Variants in SLC36A1 observed in about 807,000 individuals in gnomAD.
The protein encoded by SLC36A1 is solute carrier family 36 member 1.
Under a neutral mutation model 47.5 loss-of-function variants are expected in SLC36A1, and 30 were observed. That is an observed-to-expected ratio of 0.63 (90% CI 0.47 to 0.86). The LOEUF is 0.86. SLC36A1 is among the 40% of genes least tolerant of loss of function. SLC36A1 has a pLI of 0.00. For missense variants in SLC36A1, 517 were observed against 606.0 expected (o/e 0.85, Z 1.54); for synonymous variants, 255 against 249.7 (o/e 1.02, Z -0.20).
chr5:151,388,483 A>G, the SLC36A1 span, among the ~76,000 whole-genome samples: 2 of 145,388 alleles, frequency 1.4e-5, no homozygotes, highest in Admixed American at 1.4e-4. Context: ...CCTGGGCAAC[A>G]AGAGTAAAAC....
At chr5:151,528,792 G>T in the SLC36A1 span, among the ~76,000 whole-genome samples, 2 of 152,078 alleles carry the variant, frequency 1.3e-5, no homozygotes, top group Non-Finnish European at 2.9e-5. Context: ...GTATTATTTG[G>T]TGTCCCCTCA....
intron 10 of SLC36A1, among the ~76,000 whole-genome samples, chr5:151,486,389 AAGTCCTTGTTTCC>A (rs1336378234): frequency 6.6e-6 from 1 of 152,172 alleles, no homozygotes; most frequent in Non-Finnish European, 1.5e-5. Flanking sequence ...ATTACCTGGT[AAGTCCTTGTTTCC>A]ACATGTCTCT....
intron 1 of SLC36A1, among the ~76,000 whole-genome samples, chr5:151,453,211 ATAAAT>A (rs1377546692): frequency 2.0e-5 from 3 of 151,414 alleles, no homozygotes; most frequent in Non-Finnish European, 2.9e-5. Context: ...TCTCCAATAA[ATAAAT>A]TAAAATAAAT....
the SLC36A1 span, chr5:151,545,485 A>G: frequency 4.9e-4 from 796 of 1,614,166 alleles, 2 homozygotes; most frequent in African/African-American, 8.9e-3. Context: ...AGGCCCGACT[A>G]TTGCTACCTC....
the SLC36A1 span, among the ~76,000 whole-genome samples, chr5:151,508,547 T>C: frequency 6.6e-6 from 1 of 152,146 alleles, no homozygotes. Context: ...CCGTATCTAC[T>C]AAAAATACAA....
intron 7 of SLC36A1, 103 bp from the exon 8 acceptor site, chr5:151,473,570 T>G: frequency 1.4e-6 from 1 of 714,686 alleles, no homozygotes; most frequent in Non-Finnish European, 2.4e-6. Flanking sequence ...TAGAGAATCT[T>G]GGATTTGTTA....
Position 151,473,698 on chromosome 5 carries a change from C to G in SLC36A1, c.749C>G (p.Pro250Arg), listed in dbSNP as rs1456706991. The G allele has an allele frequency of 1.2e-5, 20 of 1,613,598 alleles. No homozygotes were observed. The highest frequency in any genetic ancestry group is 1.4e-5 in the Non-Finnish European group (17 of 1,179,532). ...VQRIPDPSHL[P>R]LVAPWKTYPL... Reference sequence around the variant, plus strand: ...AGGATCCCAGACCCCAGCCACCTCCCCTTGGTGGCCCCTTGGAAGACCTAC... The same window carrying G: ...AGGATCCCAGACCCCAGCCACCTCCGCTTGGTGGCCCCTTGGAAGACCTAC... The change falls in exon 8 of 11, where the codon CCC becomes CGC. Residue 250 changes from proline (P) to arginine (R), a missense_variant. Pro to Arg is a moderately radical substitution (Grantham distance 103). Coordinates refer to ENST00000243389, the MANE Select transcript of SLC36A1 (RefSeq NM_078483.4).
the SLC36A1 span, among the ~76,000 whole-genome samples, chr5:151,400,102 C>CT: frequency 6.6e-6 from 1 of 152,070 alleles, no homozygotes; most frequent in Non-Finnish European, 1.5e-5. Context: ...TGAACGATCC[C>CT]ATAACCCAGG....
At chr5:151,506,095 A>T in the SLC36A1 span, 2 of 1,512,676 alleles carry the variant, frequency 1.3e-6, no homozygotes, top group Non-Finnish European at 1.8e-6. Flanking sequence ...CCGCCAGGGT[A>T]CACTGAAAGG....
chr5:151,522,563 C>A, the SLC36A1 span, among the ~76,000 whole-genome samples: 1 of 152,168 alleles, frequency 6.6e-6, no homozygotes, highest in Non-Finnish European at 1.5e-5. Context: ...TCCTTCTAGT[C>A]AGTCAACGAA....
intron 2 of SLC36A1, among the ~76,000 whole-genome samples, chr5:151,459,380 C>T (rs1361203225): frequency 6.6e-6 from 1 of 152,164 alleles, no homozygotes; most frequent in Non-Finnish European, 1.5e-5. Context: ...TTAAAAAATT[C>T]AGGGTTGGTA....
downstream of SLC36A1, among the ~76,000 whole-genome samples, chr5:151,495,531 T>TTG (rs143730286): frequency 2.0e-5 from 3 of 152,120 alleles, no homozygotes; most frequent in East Asian, 5.8e-4. Context: ...AGATACTCAT[T>TTG]TGTGTGTGTG....
At chr5:151,487,444 G>C (rs145861097) in intron 10 of SLC36A1, among the ~76,000 whole-genome samples, 73 of 152,360 alleles carry the variant, frequency 4.8e-4, no homozygotes, top group African/African-American at 1.7e-3. Flanking sequence ...TCAGCCTGCA[G>C]ATAGAACTGC....
chr5:151,485,733 T>C (rs1759427342), intron 10 of SLC36A1, among the ~76,000 whole-genome samples: 1 of 152,162 alleles, frequency 6.6e-6, no homozygotes, highest in Non-Finnish European at 1.5e-5. Flanking sequence ...CAGATTCACC[T>C]CCACTAGTGA....
the SLC36A1 span, chr5:151,545,910 A>G: frequency 5.6e-6 from 9 of 1,614,218 alleles, no homozygotes; most frequent in Non-Finnish European, 7.6e-6. Flanking sequence ...TGACATCAGT[A>G]AATGCACCTG....
chr5:151,455,954 CAGTT>C (rs1312485651), intron 1 of SLC36A1, among the ~76,000 whole-genome samples: 5 of 152,246 alleles, frequency 3.3e-5, no homozygotes, highest in Non-Finnish European at 5.9e-5. Flanking sequence ...TTAGTGGTGT[CAGTT>C]AGTCTAGAAC....
At chr5:151,357,622 T>C in the SLC36A1 span, among the ~76,000 whole-genome samples, 4 of 152,240 alleles carry the variant, frequency 2.6e-5, no homozygotes, top group African/African-American at 9.6e-5. Context: ...AGGATGCCCA[T>C]TCATTTACGT....
chr5:151,513,888 A>G, the SLC36A1 span, among the ~76,000 whole-genome samples: 1 of 152,238 alleles, frequency 6.6e-6, no homozygotes, highest in Non-Finnish European at 1.5e-5. Flanking sequence ...TATAACCCAC[A>G]TAACCAAAAC....
chr5:151,522,746 G>A, the SLC36A1 span, among the ~76,000 whole-genome samples: 26 of 152,320 alleles, frequency 1.7e-4, no homozygotes, highest in African/African-American at 6.0e-4. Context: ...GACAGACAGA[G>A]GGAGCAGCAA....
Sources: gnomAD v4.1 joint callset for allele counts (sites outside exome capture counted in the v4.1 genomes callset) on GRCh38, gnomAD v4.1.1 for gene constraint, MANE v1.5 for transcripts, NCBI Gene and HGNC (gene_info 2026-07-23, HGNC 2026-07-21) for gene names.